Variants in COL28A1 observed in about 807,000 individuals in gnomAD.
COL28A1 encodes collagen type XXVIII alpha 1 chain.
Under a neutral mutation model 150.2 loss-of-function variants are expected in COL28A1, and 161 were observed. That is an observed-to-expected ratio of 1.07 (90% confidence interval 0.94 to 1.22). COL28A1 has a LOEUF of 1.22. Among genes scored for constraint, COL28A1 ranks in the 50% most tolerant of loss-of-function variants. The pLI is 0.00. For missense variants in COL28A1, 1,617 were observed against 1,388.3 expected (o/e 1.16, Z -2.62); for synonymous variants, 552 against 469.7 (o/e 1.18, Z -2.26).
At chr7:7,491,944 T>C (rs1779937572) in intron 11 of COL28A1, among the ~76,000 whole-genome samples, 1 of 152,258 alleles carries the variant, frequency 6.6e-6, no homozygotes, top group Non-Finnish European at 1.5e-5. Flanking sequence ...CTATTAATAC[T>C]ATAAAATTTC....
chr7:7,540,889 G>A, the COL28A1 span, among the ~76,000 whole-genome samples: 1 of 66,710 alleles, frequency 1.5e-5, no homozygotes, highest in African/African-American at 5.3e-5. Context: ...GCTGGGGATT[G>A]TTACAGCTAC....
the COL28A1 span, among the ~76,000 whole-genome samples, chr7:7,540,937 T>C: frequency 2.5e-5 from 3 of 118,902 alleles, no homozygotes; most frequent in Non-Finnish European, 5.6e-5. Context: ...TAGCCAGTAA[T>C]ATAGGTAGAT....
Position 7,413,721 on chromosome 7 carries a change from T to G in COL28A1, c.2136+4138A>C, listed in dbSNP as rs983216572. Among the ~76,000 whole-genome samples the G allele has an allele frequency of 1.8e-4, 27 of 152,338 alleles. No individual in the cohort carries two copies. The East Asian group carries it at 2.7e-3, about 15-fold the overall frequency. ...CCAACCAGGAACACACACATTGTAC[T>G]GTTATGTGAGCAAAACCCTCTACTA... On this transcript the variant is annotated intron_variant, in intron 27 of 34. Transcript: ENST00000399429.
intron 3 of COL28A1, among the ~76,000 whole-genome samples, chr7:7,524,729 T>C (rs988074836): frequency 6.6e-6 from 1 of 152,190 alleles, no homozygotes; most frequent in African/African-American, 2.4e-5. Flanking sequence ...CATGAAATAT[T>C]AATGGGTGTT....
chr7:7,539,914 A>C (rs1782755950), upstream of COL28A1, among the ~76,000 whole-genome samples: 1 of 152,210 alleles, frequency 6.6e-6, no homozygotes, highest in Non-Finnish European at 1.5e-5. Context: ...CACATTTGCA[A>C]CACACAGTGC....
rs759923433 is a variant in COL28A1, at chr7:7,358,692, C to A, written c.3319G>T (p.Gly1107Cys). 6.2e-7 allele frequency: 1 copy of A among 1,614,012 alleles called. No homozygotes were observed. The highest frequency in any genetic ancestry group is 8.5e-7 in the Non-Finnish European group (1 of 1,179,958). Reference protein sequence around the residue: ...CARFWFSGCNGSGNRFNSEKE... With the variant: ...CARFWFSGCNCSGNRFNSEKE... ...TCACTGTTGAATCTATTTCCTGAGC[C>A]ATTACAGCCACTGAACCAAAATCGG... is the stretch of plus-strand genomic sequence containing the variant. Residue 1107 changes from glycine (G) to cysteine (C), a missense_variant, in exon 35 of 35, where the codon GGC (glycine) becomes TGC (cysteine). Transcript: ENST00000399429.
chr7:7,350,674 T>TA, the COL28A1 span, among the ~76,000 whole-genome samples: 127 of 134,108 alleles, frequency 9.5e-4, 1 homozygote, highest in African/African-American at 3.1e-3. Context: ...TTTTTTTTTT[T>TA]AAAACCGCTG....
In COL28A1 at chr7:7,531,664, T is replaced by G. The variant is rs1169981901; in HGVS notation, c.365A>C (p.Lys122Thr). Residue 122 changes from lysine (K) to threonine (T), a missense_variant, in exon 3 of 35, where the codon AAG (lysine) becomes ACG (threonine). By Grantham distance (78) the Lys-to-Thr change is moderately conservative. Transcript: ENST00000399429. ...KDLQTFKQKV[K>T]SMNLIGQGTF... ...ACCTTGCCCTATTAAATTCATAGAC[T>G]TGACCTTCTGCTTAAATGTCTGCAG... The G allele has an allele frequency of 1.9e-6, 3 of 1,596,542 alleles. No homozygotes were observed. Among genetic ancestry groups the G allele is most frequent in the African/African-American group, 1.3e-5 (1 of 74,524 alleles).
At chr7:7,462,770 A>C (rs1400232118) in intron 15 of COL28A1, among the ~76,000 whole-genome samples, 1 of 152,120 alleles carries the variant, frequency 6.6e-6, no homozygotes, top group African/African-American at 2.4e-5. Context: ...GTGGCAGGAT[A>C]ATCACTTGAA....
rs1023932934 is a variant in COL28A1 at position 7,471,088 on chromosome 7, G to C, written c.1302+3513C>G. On this transcript the variant is annotated intron_variant, in intron 15 of 34. Transcript: ENST00000399429. ...TAACTAACCTGCACAATGTGCACAT[G>C]TACCCTAAAACTTAGAGTATAATAA... Among the ~76,000 whole-genome samples, 11 of 129,392 alleles carry C rather than the reference G, an allele frequency of 8.5e-5. 1 individual carries two copies. Among genetic ancestry groups the C allele is most frequent in the African/African-American group, 3.3e-4 (11 of 33,522 alleles). 84.9% of individuals were successfully genotyped at this position (129,392 alleles called of 152,430 possible).
chr7:7,419,845 A>G (rs1784296958), intron 26 of COL28A1, 40 bp downstream of exon 26: 3 of 1,331,332 alleles, frequency 2.3e-6, no homozygotes, highest in South Asian at 1.5e-5. Flanking sequence ...GTCACTGATG[A>G]TATCTGACCC....
chr7:7,358,829 G>A (rs1562454963), intron 34 of COL28A1, 24 bp from the exon 35 acceptor site: 2 of 1,580,802 alleles, frequency 1.3e-6, no homozygotes, highest in African/African-American at 1.4e-5. Context: ...AGGAAAATGT[G>A]TCACGGATTT....
At chr7:7,463,583 T>C (rs2128340154) in intron 15 of COL28A1, among the ~76,000 whole-genome samples, 1 of 152,236 alleles carries the variant, frequency 6.6e-6, no homozygotes, top group East Asian at 1.9e-4. Context: ...GCTTCATAAA[T>C]GAAGGAAAGA....
At chr7:7,432,028 A>G (rs1785011060) in intron 25 of COL28A1, among the ~76,000 whole-genome samples, 1 of 152,188 alleles carries the variant, frequency 6.6e-6, no homozygotes, top group Admixed American at 6.5e-5. Context: ...ATTTTAAATT[A>G]GAGATGTTTG....
intron 25 of COL28A1, among the ~76,000 whole-genome samples, chr7:7,427,219 C>G (rs750360203): frequency 6.6e-6 from 1 of 152,144 alleles, no homozygotes; most frequent in African/African-American, 2.4e-5. Flanking sequence ...GAATAGTCAC[C>G]TTTTCCTGGT....
In COL28A1 at chr7:7,395,113, G is replaced by A. The variant is rs564391855; in HGVS notation, c.2137-13501C>T. ...TCGAGACCAGCCTGGCCAACATGGCGAAACCCTGTTTCTACTAAAAATACC... is the reference window on the plus strand; with the variant it reads ...TCGAGACCAGCCTGGCCAACATGGCAAAACCCTGTTTCTACTAAAAATACC... On this transcript the variant is annotated intron_variant, in intron 27 of 34. Coordinates refer to ENST00000399429, the MANE Select transcript of COL28A1 (RefSeq NM_001037763.3). Among the ~76,000 whole-genome samples, 42 of 152,268 alleles carry A rather than the reference G, an allele frequency of 2.8e-4. No homozygotes were observed. The Middle Eastern group carries it at 0.01, about 37-fold the overall frequency.
intron 33 of COL28A1, among the ~76,000 whole-genome samples, chr7:7,364,577 C>A (rs1027825294): frequency 6.6e-6 from 1 of 152,128 alleles, no homozygotes; most frequent in Admixed American, 6.5e-5. Context: ...TTCTAACCAC[C>A]CCTTTGAGCT....
chr7:7,450,434 A>T (rs1786603319), intron 18 of COL28A1, among the ~76,000 whole-genome samples: 1 of 152,234 alleles, frequency 6.6e-6, no homozygotes. Context: ...CTGTATACTA[A>T]GAAGTACTCT....
In COL28A1 at chr7:7,531,827, T is replaced by G; in HGVS notation, c.202A>C (p.Lys68Gln). The G allele has an allele frequency of 1.2e-6, 2 of 1,606,538 alleles. No homozygotes were observed. Among genetic ancestry groups the G allele is most frequent in the Non-Finnish European group, 1.7e-6 (2 of 1,173,102 alleles). The change falls in exon 3 of 35, where the codon AAA becomes CAA. Residue 68 changes from lysine to glutamine, a missense_variant. Physicochemically the swap from Lys to Gln is moderately conservative, Grantham distance 53. Coordinates refer to ENST00000399429, the MANE Select transcript of COL28A1 (RefSeq NM_001037763.3). ...TCACTCAAGCTATCCACAAAATCTT[T>G]CTGTTTATCAAAGAGGGCAATTTTA... ...SSKIALFDKQ[K>Q]DFVDSLSDKI... is the part of the protein sequence containing the mutation.
Sources: gnomAD v4.1 joint callset for allele counts (sites outside exome capture counted in the v4.1 genomes callset) on GRCh38, gnomAD v4.1.1 for gene constraint, MANE v1.5 for transcripts, NCBI Gene and HGNC (gene_info 2026-07-23, HGNC 2026-07-21) for gene names.